ADIPOR2: variants seen among roughly 807,000 people sequenced by gnomAD.
The protein encoded by ADIPOR2 is adiponectin receptor protein 2.
A neutral mutation model predicts 40.9 loss-of-function variants in ADIPOR2; 18 were observed. That is an observed-to-expected ratio of 0.44 (90% CI 0.30 to 0.65). The LOEUF is 0.65. Ranked by LOEUF, ADIPOR2 falls within the 30% of genes least tolerant of loss-of-function variation. ADIPOR2 has a pLI of 0.09. For missense variants in ADIPOR2, 283 were observed against 479.2 expected (o/e 0.59, Z 3.82); for synonymous variants, 165 against 166.4 (o/e 0.99, Z 0.06).
chr12:1,697,332 C>T (rs1304822983), intron 1 of ADIPOR2: 2 of 152,294 alleles, frequency 1.3e-5, no homozygotes, highest in Admixed American at 6.5e-5. Context: ...ACATACTGCA[C>T]TTGTAGGTCT....
At position 1,695,091 on chromosome 12, in the gene ADIPOR2, CT is replaced by C. The variant is rs896811823; in HGVS notation, c.-87+3901del. 8.6e-5 allele frequency among the ~76,000 whole-genome samples: 13 copies of C among 150,428 alleles called. No homozygotes were observed. The East Asian group carries it at 2.4e-3, about 27-fold the overall frequency. Reference sequence around the variant, plus strand: ...GGAGTGCACTGGTGCCGTCATGGCTCTGCAGCCTCGACCTCCCGGGCTCAAG... The same window carrying C: ...GGAGTGCACTGGTGCCGTCATGGCTCGCAGCCTCGACCTCCCGGGCTCAAG... On this transcript the variant is annotated intron_variant, in intron 1 of 7. Coordinates refer to ENST00000357103, the MANE Select transcript of ADIPOR2 (RefSeq NM_024551.3).
chr12:1,730,917 A>T (rs1374395395), intron 1 of ADIPOR2: 2 of 152,178 alleles, frequency 1.3e-5, no homozygotes, highest in African/African-American at 4.8e-5. Flanking sequence ...TATGTAATGC[A>T]GGTTGATTAT....
At chr12:1,762,166 C>T (rs983697780) in intron 2 of ADIPOR2, among the ~76,000 whole-genome samples, 2 of 152,208 alleles carry the variant, frequency 1.3e-5, no homozygotes, top group Non-Finnish European at 2.9e-5. Context: ...CTAACTGCTG[C>T]TCATCCTTCA....
intron 1 of ADIPOR2, among the ~76,000 whole-genome samples, chr12:1,725,489 A>G (rs1003681709): frequency 7.2e-5 from 11 of 152,216 alleles, no homozygotes; most frequent in African/African-American, 1.7e-4. Flanking sequence ...ATGTAAAATG[A>G]TGCTATTACA....
chr12:1,691,579 T>G (rs1169903819), intron 1 of ADIPOR2, among the ~76,000 whole-genome samples: 1 of 152,184 alleles, frequency 6.6e-6, no homozygotes, highest in Non-Finnish European at 1.5e-5. Context: ...CTTCGTCTCT[T>G]GTCTGTTTTT....
At chr12:1,736,213 C>G (rs2094730259) in intron 1 of ADIPOR2, among the ~76,000 whole-genome samples, 1 of 152,126 alleles carries the variant, frequency 6.6e-6, no homozygotes, top group African/African-American at 2.4e-5. Flanking sequence ...GGCTGTGAAT[C>G]CATCTGGTCC....
intron 1 of ADIPOR2, chr12:1,697,987 A>G (rs1592567959): frequency 6.6e-6 from 1 of 152,202 alleles, no homozygotes; most frequent in Admixed American, 6.5e-5. Flanking sequence ...CAGTGGCTCC[A>G]CTTTATTAGA....
intron 1 of ADIPOR2, among the ~76,000 whole-genome samples, chr12:1,711,834 C>T (rs1331208184): frequency 6.6e-6 from 1 of 152,150 alleles, no homozygotes; most frequent in Non-Finnish European, 1.5e-5. Flanking sequence ...GGTTTTTGCA[C>T]TGTGTGCAAT....
chr12:1,755,917 G>A (rs1862115779), intron 2 of ADIPOR2, among the ~76,000 whole-genome samples: 1 of 151,996 alleles, frequency 6.6e-6, no homozygotes, highest in African/African-American at 2.4e-5. Context: ...ATATAAATAT[G>A]AATAATAATA....
At chr12:1,722,943 G>T (rs2094700677) in intron 1 of ADIPOR2, among the ~76,000 whole-genome samples, 1 of 152,024 alleles carries the variant, frequency 6.6e-6, no homozygotes, top group Admixed American at 6.6e-5. Context: ...TTATTATCTT[G>T]GTCAAATCCA....
At chr12:1,711,396 T>TA in intron 1 of ADIPOR2, among the ~76,000 whole-genome samples, 1 of 152,040 alleles carries the variant, frequency 6.6e-6, no homozygotes, top group Non-Finnish European at 1.5e-5. Context: ...GGGGCACTGA[T>TA]AGAGTCTGAT....
chr12:1,739,672 G>T (rs918777391), intron 1 of ADIPOR2, among the ~76,000 whole-genome samples: 1 of 152,162 alleles, frequency 6.6e-6, no homozygotes, highest in Non-Finnish European at 1.5e-5. Flanking sequence ...TGTGGCCCAC[G>T]AAACCTAAAA....
chr12:1,759,905 A>G (rs1416267627), intron 2 of ADIPOR2, among the ~76,000 whole-genome samples: 1 of 152,046 alleles, frequency 6.6e-6, no homozygotes, highest in African/African-American at 2.4e-5. Flanking sequence ...GGCACCTATA[A>G]TCCCGGCTAC....
intron 1 of ADIPOR2, among the ~76,000 whole-genome samples, chr12:1,739,534 T>G (rs1164031816): frequency 6.6e-6 from 1 of 152,254 alleles, no homozygotes; most frequent in Non-Finnish European, 1.5e-5. Flanking sequence ...GAATGAAAAT[T>G]ATATGAAATG....
At chr12:1,696,572 T>A (rs959250079) in intron 1 of ADIPOR2, 1 of 152,314 alleles carries the variant, frequency 6.6e-6, no homozygotes, top group Non-Finnish European at 1.5e-5. Flanking sequence ...ATGTTTGTAT[T>A]TTTTGTAGAA....
intron 2 of ADIPOR2, among the ~76,000 whole-genome samples, chr12:1,760,058 AAAAC>A (rs1434614860): frequency 6.6e-6 from 1 of 151,214 alleles, no homozygotes; most frequent in African/African-American, 2.5e-5. Flanking sequence ...CAAAACAAAA[AAAAC>A]AACCTCCTTC....
rs1485892052 is a variant in ADIPOR2, at chr12:1,712,094, GC to G, written c.-87+20906del. On this transcript the variant is annotated intron_variant, in intron 1 of 7. Coordinates refer to ENST00000357103, the MANE Select transcript of ADIPOR2 (RefSeq NM_024551.3). ...TACATCACTAACTATGGCATAACCTGCCCTTTGTATCCCATTCTTCACAGAT... is the reference window on the plus strand; with the variant it reads ...TACATCACTAACTATGGCATAACCTGCCTTTGTATCCCATTCTTCACAGAT... Among the ~76,000 whole-genome samples the G allele has an allele frequency of 2.6e-5, 4 of 152,106 alleles. No homozygotes were observed. In the South Asian group the frequency reaches 8.3e-4, roughly 31 times the overall value.
intron 1 of ADIPOR2, among the ~76,000 whole-genome samples, chr12:1,705,952 T>C (rs2094661387): frequency 6.6e-6 from 1 of 152,238 alleles, no homozygotes; most frequent in South Asian, 2.1e-4. Flanking sequence ...CTCAGTTTCT[T>C]CATCTATAAA....
chr12:1,695,739 T>C (rs1236669125), intron 1 of ADIPOR2: 1 of 151,748 alleles, frequency 6.6e-6, no homozygotes, highest in Non-Finnish European at 1.5e-5. Flanking sequence ...CAGGATATAG[T>C]GCTTTTGGAC....
Sources: allele counts gnomAD v4.1 joint callset (sites outside exome capture counted in the v4.1 genomes callset), GRCh38; gene constraint gnomAD v4.1.1; transcripts MANE v1.5; gene names NCBI Gene and HGNC (gene_info 2026-07-23, HGNC 2026-07-21).